CYP4V2: variants seen among roughly 807,000 people sequenced by gnomAD.
The protein encoded by CYP4V2 is cytochrome P450 family 4 subfamily V member 2, also known as cytochrome P450 4V2.
Under a neutral mutation model 60.8 loss-of-function variants are expected in CYP4V2, and 55 were observed. The observed-to-expected ratio is 0.90, with a 90% CI of 0.73 to 1.13. The LOEUF is 1.13. CYP4V2 is among the 50% of genes most tolerant of loss of function. The pLI is 0.00. For missense variants in CYP4V2, 675 were observed against 662.9 expected (o/e 1.02, Z -0.20); for synonymous variants, 239 against 236.8 (o/e 1.01, Z -0.08).
chr4:186,198,764 T>C (rs541600165), intron 5 of CYP4V2, among the ~76,000 whole-genome samples, 193 bp from the exon 6 acceptor site: 1 of 152,298 alleles, frequency 6.6e-6, no homozygotes, highest in East Asian at 1.9e-4. Context: ...GAGCCCATTA[T>C]TTTCTGAGGC....
Position 186,201,333 on chromosome 4 carries a change from C to A in CYP4V2, c.978C>A (p.Phe326Leu). Residue 326 changes from phenylalanine to leucine, a missense_variant, in exon 7 of 11, where the codon TTC becomes TTA. By Grantham distance (22) the Phe-to-Leu change is conservative. Coordinates refer to ENST00000378802, the MANE Select transcript of CYP4V2 (RefSeq NM_207352.4). The part of the protein sequence containing the change: ...HEDIREEVDT[F>L]MFEGHDTTAA... ...ATATTCGAGAAGAAGTTGACACCTT[C>A]ATGTTTGAGGTATTGTATATTGTTA... The A allele has an allele frequency of 6.2e-7, 1 of 1,614,068 alleles. No homozygotes were observed. Among genetic ancestry groups the A allele is most frequent in the South Asian group, 1.1e-5 (1 of 91,064 alleles).
In CYP4V2 at chr4:186,192,838, A is replaced by G. The variant is rs928184638; in HGVS notation, c.214+801A>G. ...AATGAGAAGATTTGCCCAAAATGGCATATTTTAAAATTGGCCCAGACCAGA... is the reference window on the plus strand; with the variant it reads ...AATGAGAAGATTTGCCCAAAATGGCGTATTTTAAAATTGGCCCAGACCAGA... On this transcript the variant is annotated intron_variant, in intron 1 of 10. Transcript: ENST00000378802. 2.0e-5 allele frequency among the ~76,000 whole-genome samples: 3 copies of G among 152,330 alleles called. No homozygotes were observed. In the East Asian group the frequency reaches 5.8e-4, roughly 29 times the overall value.
chr4:186,208,141 A>G (rs1322340119), intron 8 of CYP4V2, among the ~76,000 whole-genome samples: 2 of 150,150 alleles, frequency 1.3e-5, no homozygotes, highest in South Asian at 2.1e-4. Context: ...TTTGATGGGT[A>G]TTTAGCATCC....
intron 7 of CYP4V2, chr4:186,204,453 C>T (rs1422428422): frequency 4.6e-6 from 1 of 217,576 alleles, no homozygotes; most frequent in African/African-American, 2.4e-5. Flanking sequence ...AGACGTTACG[C>T]TGGCGTAAGA....
At position 186,191,852 on chromosome 4, in the gene CYP4V2, G is replaced by C; in HGVS notation, c.29G>C (p.Trp10Ser). Residue 10 changes from tryptophan (W) to serine (S), a missense_variant, in exon 1 of 11, where the codon TGG (tryptophan) becomes TCG (serine). By Grantham distance (177) the Trp-to-Ser change is radical. Coordinates refer to ENST00000378802, the MANE Select transcript of CYP4V2 (RefSeq NM_207352.4). MAGLWLGLV[W>S]QKLLLWGAAS... ...GCGGGGCTCTGGCTGGGGCTCGTGT[G>C]GCAGAAGCTGCTGCTGTGGGGCGCG... 6.3e-7 allele frequency: 1 copy of C among 1,579,602 alleles called. No individual in the cohort carries two copies. Among genetic ancestry groups the C allele is most frequent in the East Asian group, 2.3e-5 (1 of 42,996 alleles).
chr4:186,199,482 G>A (rs1736246542), intron 6 of CYP4V2, among the ~76,000 whole-genome samples: 1 of 152,192 alleles, frequency 6.6e-6, no homozygotes, highest in African/African-American at 2.4e-5. Flanking sequence ...TACCTGAAAG[G>A]AAGTTATTCT....
Position 186,210,490 on chromosome 4 carries a change from A to G in CYP4V2, c.1427A>G (p.Glu476Gly), listed in dbSNP as rs766310529. ...GAAGGTCAAAAGTTTGCTGTGATGGAAGAAAAGACCATTCTTTCGTGCATC... is the reference window on the plus strand; with the variant it reads ...GAAGGTCAAAAGTTTGCTGTGATGGGAGAAAAGACCATTCTTTCGTGCATC... Reference protein sequence around the residue: ...NCIGQKFAVMEEKTILSCILR... With the variant: ...NCIGQKFAVMGEKTILSCILR... The change falls in exon 11 of 11, where the codon GAA (glutamate) becomes GGA (glycine). Residue 476 changes from glutamate to glycine, a missense_variant. Physicochemically the swap from Glu to Gly is moderately conservative, Grantham distance 98. Transcript: ENST00000378802. 4.3e-6 allele frequency: 7 copies of G among 1,614,040 alleles called. No homozygotes were observed. The highest frequency in any genetic ancestry group is 5.9e-6 in the Non-Finnish European group (7 of 1,180,032).
intron 7 of CYP4V2, 29 bp downstream of exon 7, chr4:186,201,371 A>G: frequency 1.6e-5 from 26 of 1,608,524 alleles, no homozygotes; most frequent in Non-Finnish European, 2.2e-5. Context: ...TTCAGATATC[A>G]TTAAACAAAT....
chr4:186,199,164 T>C, intron 6 of CYP4V2, 81 bp downstream of exon 6: 1 of 1,454,760 alleles, frequency 6.9e-7, no homozygotes. Context: ...CTGTACAGTT[T>C]GGTGGTATTA....
Position 186,197,133 on chromosome 4 carries a change from G to C in CYP4V2, c.604+3G>C. 2.5e-6 allele frequency: 4 copies of C among 1,613,534 alleles called. No individual in the cohort carries two copies. The highest frequency in any genetic ancestry group is 3.4e-6 in the Non-Finnish European group (4 of 1,179,956). On this transcript the variant is annotated splice_donor_region_variant and intron_variant, in intron 4 of 10. Coordinates refer to ENST00000378802, the MANE Select transcript of CYP4V2 (RefSeq NM_207352.4). ...TTGTGCCTTAGATATCATCTGTGGT[G>C]AGTCTCATCGATCTGTTTCTAAATT... is the stretch of plus-strand genomic sequence containing the variant.
At chr4:186,198,712 T>C (rs553631830) in intron 5 of CYP4V2, among the ~76,000 whole-genome samples, 1 of 152,200 alleles carries the variant, frequency 6.6e-6, no homozygotes, top group Non-Finnish European at 1.5e-5. Flanking sequence ...CAAATGGCTA[T>C]CTAGTAAGGA....
intron 1 of CYP4V2, among the ~76,000 whole-genome samples, chr4:186,193,794 G>C (rs749885506): frequency 3.9e-5 from 6 of 152,190 alleles, no homozygotes; most frequent in Non-Finnish European, 8.8e-5. Flanking sequence ...ACATACAAGA[G>C]GTGTTGCGTT....
rs760001831 is a variant in CYP4V2 at position 186,191,986 on chromosome 4, C to A, written c.163C>A (p.Arg55Ser). The A allele has an allele frequency of 3.4e-5, 54 of 1,584,722 alleles. No individual in the cohort carries two copies. The highest frequency in any genetic ancestry group is 7.0e-5 in the Admixed American group (4 of 57,044). ...GATGCGGCCCATCCCCACGGTGGCC[C>A]GCGCCTACCCACTGGTGGGCCACGC... ...QQMRPIPTVARAYPLVGHALL... is the reference protein window; with the variant it reads ...QQMRPIPTVASAYPLVGHALL... Residue 55 changes from arginine (R) to serine (S), a missense_variant, in exon 1 of 11, where the codon CGC becomes AGC. Transcript: ENST00000378802.
At chr4:186,194,325 T>TA (rs1259154357) in intron 1 of CYP4V2, among the ~76,000 whole-genome samples, 175 bp from the exon 2 acceptor site, 4 of 152,214 alleles carry the variant, frequency 2.6e-5, no homozygotes, top group Admixed American at 1.3e-4. Context: ...ACTTTAGACT[T>TA]ACAGAAAAGT....
intron 7 of CYP4V2, chr4:186,204,954 C>A: frequency 1.8e-6 from 1 of 545,970 alleles, no homozygotes; most frequent in Admixed American, 3.0e-5. Flanking sequence ...TAACACAGCA[C>A]AGGCACGTCC....
Position 186,208,967 on chromosome 4 carries a change from T to G in CYP4V2, c.1193T>G (p.Phe398Cys), listed in dbSNP as rs750786304. 4.3e-6 allele frequency: 7 copies of G among 1,614,100 alleles called. No individual in the cohort carries two copies. In the Admixed American group the frequency reaches 8.3e-5, roughly 19 times the overall value. ...CGCCTTTTTCCTTCTGTTCCTTTAT[T>G]TGCCCGTAGTGTTAGTGAAGATTGT... is the stretch of plus-strand genomic sequence containing the variant. The part of the protein sequence containing the change: ...TLRLFPSVPL[F>C]ARSVSEDCEV... The change falls in exon 9 of 11, where the codon TTT (phenylalanine) becomes TGT (cysteine). Residue 398 changes from phenylalanine to cysteine, a missense_variant. Physicochemically the swap from Phe to Cys is radical, Grantham distance 205. Coordinates refer to ENST00000378802, the MANE Select transcript of CYP4V2 (RefSeq NM_207352.4).
chr4:186,200,356 G>T (rs918043138), intron 6 of CYP4V2, among the ~76,000 whole-genome samples: 14 of 152,162 alleles, frequency 9.2e-5, no homozygotes, highest in African/African-American at 3.4e-4. Context: ...ATCCATCCAA[G>T]AAATATCTAG....
chr4:186,196,143 A>G, intron 3 of CYP4V2, 55 bp downstream of exon 3: 1 of 1,421,632 alleles, frequency 7.0e-7, no homozygotes, highest in Non-Finnish European at 9.9e-7. Flanking sequence ...TTCTACGTGC[A>G]ACTTGTTATT....
rs542927358 is a variant in CYP4V2 at position 186,195,706 on chromosome 4, G to C, written c.328-297G>C. On this transcript the variant is annotated intron_variant, in intron 2 of 10. Coordinates refer to ENST00000378802, the MANE Select transcript of CYP4V2 (RefSeq NM_207352.4). The surrounding 1 kb of genome is among the most constrained non-coding windows in gnomAD (Gnocchi z 4.1). ...CAGATTCGCCTCCTCCCACCTCACT[G>C]TCCCCCTCCCCACATTAAATAACTC... is the stretch of plus-strand genomic sequence containing the variant. 6.6e-5 allele frequency among the ~76,000 whole-genome samples: 10 copies of C among 151,912 alleles called. No homozygotes were observed. The highest frequency in any genetic ancestry group is 2.4e-4 in the African/African-American group (10 of 41,404).
Sources: gnomAD v4.1 joint callset for allele counts (sites outside exome capture counted in the v4.1 genomes callset) on GRCh38, gnomAD v4.1.1 for gene constraint, Gnocchi (gnomAD v3.1) non-coding constraint, MANE v1.5 for transcripts, NCBI Gene and HGNC (gene_info 2026-07-23, HGNC 2026-07-21) for gene names.